The following DRC3 variants were observed in gnomAD, a reference collection of about 807,000 sequenced individuals.
DRC3 encodes the protein leucine rich repeat containing 48.
DRC3 carries 45 observed loss-of-function variants against 57.6 expected under a neutral mutation model. The ratio of observed to expected loss-of-function variants is 0.78; its 90% CI spans 0.62 to 1.00. The LOEUF is 1.00. DRC3 is among the 50% of genes least tolerant of loss of function. DRC3 has a pLI of 0.00. For missense variants in DRC3, 655 were observed against 675.2 expected (o/e 0.97, Z 0.33); for synonymous variants, 257 against 272.3 (o/e 0.94, Z 0.55).
chr17:17,996,525 A>G (rs4506969), intron 8 of DRC3, among the ~76,000 whole-genome samples: 61,498 of 151,960 alleles, frequency 0.4, 13,571 homozygotes, highest in East Asian at 0.87. Flanking sequence ...CACCCCCATA[A>G]TTCAATTACC....
chr17:18,015,991 T>C, intron 12 of DRC3, 73 bp from the exon 13 acceptor site: 1 of 1,551,822 alleles, frequency 6.4e-7, no homozygotes, highest in African/African-American at 1.4e-5. Flanking sequence ...AAATGCTCCT[T>C]CTCTGTTCAG....
At chr17:18,012,396 C>G (rs866228802) in intron 12 of DRC3, among the ~76,000 whole-genome samples, 1 of 152,130 alleles carries the variant, frequency 6.6e-6, no homozygotes, top group Admixed American at 6.6e-5. Context: ...AGACCTGAAA[C>G]TGGCAGGGCG....
intron 9 of DRC3, among the ~76,000 whole-genome samples, chr17:18,003,304 G>A (rs2043812460): frequency 6.6e-6 from 1 of 151,596 alleles, no homozygotes; most frequent in Non-Finnish European, 1.5e-5. Context: ...CCAAGATGGT[G>A]AAACCCCGTC....
intron 2 of DRC3, among the ~76,000 whole-genome samples, chr17:17,975,210 C>CTTTT (rs5819639): frequency 2.9e-5 from 4 of 138,008 alleles, no homozygotes; most frequent in African/African-American, 5.4e-5. Flanking sequence ...AGTATAGCAC[C>CTTTT]TTTTTTTTTT....
intron 13 of DRC3, 150 bp from the exon 14 acceptor site, chr17:18,016,408 A>G: frequency 1.3e-6 from 1 of 782,200 alleles, no homozygotes; most frequent in African/African-American, 1.7e-5. Context: ...CCTCAAATAT[A>G]CAGAGATCAG....
chr17:18,016,461 TA>T, intron 13 of DRC3, 96 bp from the exon 14 acceptor site: 1 of 933,342 alleles, frequency 1.1e-6, no homozygotes, highest in African/African-American at 1.6e-5. Context: ...TTTGCAGATC[TA>T]AAGGAACTAT....
At chr17:17,984,067 A>G (rs2042840955) in intron 4 of DRC3, 123 bp downstream of exon 4, 2 of 632,872 alleles carry the variant, frequency 3.2e-6, no homozygotes, top group East Asian at 2.8e-5. Context: ...TAGCCAGGGT[A>G]CGGCAGAAGC....
At chr17:18,016,268 G>C (rs943509685) in intron 13 of DRC3, 73 bp downstream of exon 13, 25 of 1,488,274 alleles carry the variant, frequency 1.7e-5, no homozygotes, top group Non-Finnish European at 2.2e-5. Context: ...TCCCTAGGTA[G>C]TGGATAGAAT....
In DRC3 at chr17:18,008,840, T is replaced by A. The variant is rs2044072098; in HGVS notation, c.1326+1693T>A. Among the ~76,000 whole-genome samples the A allele has an allele frequency of 6.6e-6, 1 of 152,202 alleles. No individual in the cohort carries two copies. Among genetic ancestry groups the A allele is most frequent in the African/African-American group, 2.4e-5 (1 of 41,450 alleles). ...GAGATCCCTCCCAGCACAGCTCCCA[T>A]GTCTGTGACACCCAGAAGGCACAGG... On this transcript the variant is annotated intron_variant, in intron 12 of 13. Transcript: ENST00000399187. The surrounding 1 kb of genome is among the most constrained non-coding windows in gnomAD (Gnocchi z 4.3).
At chr17:18,002,995 C>T (rs1326409245) in intron 9 of DRC3, among the ~76,000 whole-genome samples, 1 of 152,094 alleles carries the variant, frequency 6.6e-6, no homozygotes, top group Non-Finnish European at 1.5e-5. Context: ...AAAATGAAGG[C>T]TCAAGAAGCC....
At chr17:18,006,114 G>T in intron 10 of DRC3, 69 bp from the exon 11 acceptor site, 1 of 1,169,966 alleles carries the variant, frequency 8.5e-7, no homozygotes, top group Non-Finnish European at 1.3e-6. Context: ...GCTAAATTTT[G>T]AGGAGTACCT....
In DRC3 at chr17:17,991,939, G is replaced by A. The variant is rs149747641; in HGVS notation, c.445-826G>A. ...GAGGATTTATTGTGACCAGGAGCTC[G>A]AGACCAGCCTGGTCAACACAGCAAG... On this transcript the variant is annotated intron_variant, in intron 5 of 13. Coordinates refer to ENST00000399187, the MANE Select transcript of DRC3 (RefSeq NM_031294.4). Among the ~76,000 whole-genome samples the A allele has an allele frequency of 4.6e-3, 707 of 152,224 alleles. 2 individuals are homozygous for A. The highest frequency in any genetic ancestry group is 0.016 in the African/African-American group (673 of 41,526).
intron 2 of DRC3, among the ~76,000 whole-genome samples, chr17:17,977,216 C>T (rs1351928222): frequency 1.3e-5 from 2 of 152,164 alleles, no homozygotes; most frequent in Non-Finnish European, 2.9e-5. Flanking sequence ...TACCCACAAG[C>T]CCAAGTGAGG....
At chr17:17,978,705 A>C (rs980991080) in intron 3 of DRC3, among the ~76,000 whole-genome samples, 1 of 152,164 alleles carries the variant, frequency 6.6e-6, no homozygotes, top group African/African-American at 2.4e-5. Context: ...TGACCACCCA[A>C]TCAGGGAGGG....
intron 2 of DRC3, among the ~76,000 whole-genome samples, chr17:17,975,507 A>ACCC (rs2042340247): frequency 6.2e-5 from 8 of 128,920 alleles, no homozygotes; most frequent in African/African-American, 2.2e-4. Flanking sequence ...ACCGCGCCTG[A>ACCC]CCTCCCCACC....
chr17:17,985,653 C>T (rs546455339), intron 4 of DRC3, among the ~76,000 whole-genome samples: 9 of 152,296 alleles, frequency 5.9e-5, no homozygotes, highest in South Asian at 4.1e-4. Flanking sequence ...AGGGATGCCA[C>T]GCTGGTAGCT....
intron 9 of DRC3, among the ~76,000 whole-genome samples, chr17:18,002,323 GC>G (rs1313785534): frequency 6.6e-6 from 1 of 152,048 alleles, no homozygotes; most frequent in East Asian, 1.9e-4. Flanking sequence ...TATGTCATTC[GC>G]CCCCTTCAAT....
intron 9 of DRC3, among the ~76,000 whole-genome samples, chr17:17,997,924 T>C (rs1597609244): frequency 6.6e-6 from 1 of 152,276 alleles, no homozygotes; most frequent in East Asian, 1.9e-4. Flanking sequence ...CCCCAACTTA[T>C]CATCATCGTT....
chr17:18,007,642 C>T lies in DRC3; in HGVS notation c.1326+495C>T, dbSNP rs2044029405. Reference sequence around the variant, plus strand: ...CAGGGTCGGCCTGAGGAACCTGGCTCCATCCCTGGGGTCTGCACGCTAAGA... The same window carrying T: ...CAGGGTCGGCCTGAGGAACCTGGCTTCATCCCTGGGGTCTGCACGCTAAGA... On this transcript the variant is annotated intron_variant, in intron 12 of 13. Transcript: ENST00000399187. 5.0e-6 allele frequency: 7 copies of T among 1,396,316 alleles called. No individual in the cohort carries two copies. The Admixed American group carries it at 2.0e-4, about 40-fold the overall frequency. 86.5% of individuals were successfully genotyped at this position (1,396,316 alleles called of 1,614,324 possible). A position where few individuals can be genotyped will look rare whatever the true frequency, so the allele number is the denominator to read the frequency against.
Sources: allele counts gnomAD v4.1 joint callset (sites outside exome capture counted in the v4.1 genomes callset), GRCh38; gene constraint gnomAD v4.1.1; non-coding constraint Gnocchi (gnomAD v3.1); transcripts MANE v1.5; gene names NCBI Gene and HGNC (gene_info 2026-07-23, HGNC 2026-07-21).